LRRC74B: variants seen among roughly 807,000 people sequenced by gnomAD.
LRRC74B encodes leucine-rich repeat-containing protein 74B.
Under a neutral mutation model 16.6 loss-of-function variants are expected in LRRC74B, and 30 were observed. The ratio of observed to expected loss-of-function variants is 1.80; its 90% confidence interval spans 1.35 to 2.45. The LOEUF is 2.45. Ranked by LOEUF, LRRC74B falls within the 30% of genes most tolerant of loss-of-function variation. The probability of loss-of-function intolerance (pLI) is 0.00; values close to 1 mark genes in which losing one functional copy is unlikely to be tolerated. For missense variants in LRRC74B, 326 were observed against 202.4 expected, an observed-to-expected ratio of 1.61 and a Z score of -3.71; for synonymous variants, 134 against 86.0, an observed-to-expected ratio of 1.56 and a Z score of -3.09.
At chr22:21,051,282 G>T (rs1285229847) in intron 4 of LRRC74B, among the ~76,000 whole-genome samples, 1 of 152,120 alleles carries the variant, frequency 6.6e-6, no homozygotes, top group South Asian at 2.1e-4. Flanking sequence ...ATAAATGTTC[G>T]CTTTGGTGTT....
chr22:21,053,110 G>A (rs946567508), intron 5 of LRRC74B, among the ~76,000 whole-genome samples: 5 of 152,136 alleles, frequency 3.3e-5, no homozygotes, highest in African/African-American at 1.2e-4. Context: ...TCTCTCTGAG[G>A]GCCATTCACG....
intron 5 of LRRC74B, among the ~76,000 whole-genome samples, 153 bp from the exon 6 acceptor site, chr22:21,053,207 A>G (rs1043156895): frequency 3.9e-5 from 6 of 152,126 alleles, no homozygotes; most frequent in Non-Finnish European, 7.4e-5. Context: ...GGGGGTCTGC[A>G]TGGCACTTTC....
upstream of LRRC74B, chr22:21,045,965 A>C: frequency 1.4e-6 from 1 of 716,856 alleles, no homozygotes; most frequent in Non-Finnish European, 2.6e-6. Context: ...TCAGTGTCTG[A>C]GACTGCGAGA....
In LRRC74B at chr22:21,059,119, A is replaced by G. The variant is rs149219384; in HGVS notation, c.1024-1254A>G. On this transcript the variant is annotated intron_variant, in intron 8 of 8. Coordinates refer to ENST00000442047, the Ensembl canonical transcript of LRRC74B. ...ATACAAAAATTTGGCCGGAGTTGGT[A>G]GCTCATGCCTGTAATCCCAGAACTT... 6.7e-4 allele frequency among the ~76,000 whole-genome samples: 102 copies of G among 152,180 alleles called. 1 individual carries two copies. Among genetic ancestry groups the G allele is most frequent in the Admixed American group, 2.7e-3 (41 of 15,284 alleles).
chr22:21,049,802 G>A (rs1569196078), intron 4 of LRRC74B, among the ~76,000 whole-genome samples: 1 of 152,150 alleles, frequency 6.6e-6, no homozygotes, highest in African/African-American at 2.4e-5. Context: ...GGTAGCGGAT[G>A]TGATTGGGAT....
At chr22:21,060,833 T>A (rs1003911928), downstream of LRRC74B, among the ~76,000 whole-genome samples, 11 of 152,330 alleles carry the variant, frequency 7.2e-5, no homozygotes, top group African/African-American at 2.6e-4. Flanking sequence ...ATGTTCATGT[T>A]CTGGTGACCT....
intron 6 of LRRC74B, chr22:21,053,912 T>C (rs978209069): frequency 1.3e-5 from 2 of 153,648 alleles, no homozygotes; most frequent in African/African-American, 4.8e-5. Flanking sequence ...CGTTGTTACA[T>C]AGAGACCTGT....
chr22:21,062,696 G>C (rs1930864760), downstream of LRRC74B: 1 of 122,974 alleles, frequency 8.1e-6, no homozygotes, highest in African/African-American at 3.1e-5. Flanking sequence ...CTGGGTGACA[G>C]AGCAAGACTC....
intron 5 of LRRC74B, among the ~76,000 whole-genome samples, chr22:21,053,089 GC>G (rs1569198609): frequency 6.6e-6 from 1 of 152,134 alleles, no homozygotes; most frequent in African/African-American, 2.4e-5. Context: ...CTCTGCACAC[GC>G]CCCTCCCAGT....
chr22:21,062,114 C>T (rs1398957437), downstream of LRRC74B: 3 of 152,220 alleles, frequency 2.0e-5, no homozygotes, highest in Non-Finnish European at 4.4e-5. Context: ...CACAAGATCA[C>T]GTGTCGCATG....
chr22:21,060,462 A>G (rs1231028626), exon 9 of LRRC74B: 1 of 716,816 alleles, frequency 1.4e-6, no homozygotes, highest in Admixed American at 2.0e-5. Flanking sequence ...GCGCTTGCAG[A>G]GTGGAGTATA....
chr22:21,056,961 A>G lies in LRRC74B; in HGVS notation c.928-144A>G, dbSNP rs953276129. ...CCTCACCAGAGCATTCTGTCTGACT[A>G]TCTGATGGAGACACCTTCTGAGCCG... is the stretch of plus-strand genomic sequence containing the variant. On this transcript the variant is annotated intron_variant, in intron 7 of 8. Coordinates refer to ENST00000442047, the Ensembl canonical transcript of LRRC74B. The G allele has an allele frequency of 7.3e-5, 44 of 606,742 alleles. 1 individual carries two copies. Among genetic ancestry groups the G allele is most frequent in the South Asian group, 6.5e-4 (32 of 49,324 alleles). The allele number at this position is 606,742 out of a possible 1,614,324, so 37.6% of individuals were successfully genotyped here.
intron 2 of LRRC74B, 126 bp from the exon 3 acceptor site, chr22:21,047,758 G>A (rs1442092884): frequency 4.7e-6 from 3 of 642,706 alleles, no homozygotes; most frequent in Non-Finnish European, 8.5e-6. Flanking sequence ...GAGCCTAAAA[G>A]GAGAAGCAGG....
intron 6 of LRRC74B, among the ~76,000 whole-genome samples, chr22:21,054,682 C>T (rs568752143): frequency 2.6e-5 from 4 of 152,286 alleles, no homozygotes; most frequent in African/African-American, 7.2e-5. Flanking sequence ...GGACTGACTC[C>T]GGAGACAAAG....
chr22:21,046,174 T>C (rs1198795305), intron 1 of LRRC74B, 49 bp downstream of exon 1: 1 of 711,398 alleles, frequency 1.4e-6, no homozygotes, highest in Non-Finnish European at 2.6e-6. Flanking sequence ...GGGGGTCTTC[T>C]CCCGCAGGGG....
downstream of LRRC74B, among the ~76,000 whole-genome samples, chr22:21,061,449 A>C (rs997270369): frequency 9.2e-5 from 14 of 152,266 alleles, no homozygotes; most frequent in Non-Finnish European, 1.8e-4. Context: ...AAGAACACTT[A>C]ACCATTCATG....
Position 21,053,485 on chromosome 22 carries a change from C to G in LRRC74B, c.848+10C>G. 4 of 715,704 alleles carry G rather than the reference C, an allele frequency of 5.6e-6. No individual in the cohort carries two copies. Among genetic ancestry groups the G allele is most frequent in the Non-Finnish European group, 1.0e-5 (4 of 384,670 alleles). 44.3% of individuals were successfully genotyped at this position (715,704 alleles called of 1,614,324 possible). The stretch of plus-strand genomic sequence containing the variant: ...AGGAACTCAACATGAGGTGAGGATC[C>G]CCGGGGGGACACCCCAGGAATCATG... On this transcript the variant is annotated intron_variant, in intron 6 of 8. Coordinates refer to ENST00000442047, the Ensembl canonical transcript of LRRC74B.
intron 4 of LRRC74B, among the ~76,000 whole-genome samples, chr22:21,051,365 C>T (rs566044600): frequency 1.1e-4 from 16 of 152,212 alleles, no homozygotes; most frequent in African/African-American, 2.6e-4. Context: ...CTCTAGGTCT[C>T]GCTATTTTGC....
downstream of LRRC74B, chr22:21,063,973 TCAAAA>T (rs147466642): frequency 7.5e-5 from 12 of 159,698 alleles, no homozygotes; most frequent in Non-Finnish European, 1.3e-4. Flanking sequence ...AGACTCTGTC[TCAAAA>T]CAAAACAAAA....
Sources: gnomAD v4.1 joint callset for allele counts (sites outside exome capture counted in the v4.1 genomes callset) on GRCh38, gnomAD v4.1.1 for gene constraint, MANE v1.5 for transcripts, NCBI Gene and HGNC (gene_info 2026-07-23, HGNC 2026-07-21) for gene names.